Variants in ERG observed in about 807,000 individuals in gnomAD.
ERG encodes transcriptional regulator ERG.
A neutral mutation model predicts 55.3 loss-of-function variants in ERG; 9 were observed. The observed-to-expected ratio is 0.16, with a 90% CI of 0.10 to 0.28. The LOEUF is 0.28. Among genes scored for constraint, ERG ranks in the 10% least tolerant of loss-of-function variants. The pLI, the probability that ERG is intolerant of heterozygous loss-of-function variation, is 1.00. For missense variants in ERG, 434 were observed against 631.6 expected (o/e 0.69, Z 3.35); for synonymous variants, 223 against 237.3 (o/e 0.94, Z 0.55).
At chr21:38,467,241 C>T (rs1014107160) in intron 1 of ERG, among the ~76,000 whole-genome samples, 2 of 152,150 alleles carry the variant, frequency 1.3e-5, no homozygotes, top group African/African-American at 2.4e-5. Context: ...AAGTCTTGTG[C>T]TGCAAATGTT....
At chr21:38,643,249 C>G (rs141591078) in intron 1 of ERG, among the ~76,000 whole-genome samples, 1 of 152,304 alleles carries the variant, frequency 6.6e-6, no homozygotes, top group African/African-American at 2.4e-5. Context: ...CCAGAGCACG[C>G]AGGAAATCCA....
In ERG at chr21:38,558,878, G is replaced by A. The variant is rs148637372; in HGVS notation, c.-41+16784C>T. 2.9e-3 allele frequency among the ~76,000 whole-genome samples: 443 copies of A among 152,300 alleles called. 4 individuals carry two copies. The highest frequency in any genetic ancestry group is 0.01 in the African/African-American group (417 of 41,554). On this transcript the variant is annotated intron_variant, in intron 2 of 8. Transcript: ENST00000398897. ...AGATAAAAAATCAGCACAGAAAAAG[G>A]TGAGAAATACACAATGTCTTTCATC...
chr21:38,465,352 G>A (rs2059079023), intron 1 of ERG, among the ~76,000 whole-genome samples: 1 of 152,170 alleles, frequency 6.6e-6, no homozygotes, highest in African/African-American at 2.4e-5. Flanking sequence ...TCTGGAAAAG[G>A]CAAGACTACA....
intron 2 of ERG, among the ~76,000 whole-genome samples, chr21:38,534,421 T>C (rs2146779696): frequency 6.6e-6 from 1 of 152,326 alleles, no homozygotes; most frequent in Non-Finnish European, 1.5e-5. Flanking sequence ...ACATATAGTC[T>C]GCTTTGAAGA....
At chr21:38,438,584 C>T (rs1003107970) in intron 2 of ERG, among the ~76,000 whole-genome samples, 5 of 152,200 alleles carry the variant, frequency 3.3e-5, no homozygotes, top group Admixed American at 2.6e-4. Flanking sequence ...TGGAGTTATT[C>T]ATGGCATGCA....
At chr21:38,468,774 A>G (rs2059112222) in intron 1 of ERG, among the ~76,000 whole-genome samples, 2 of 152,050 alleles carry the variant, frequency 1.3e-5, no homozygotes, top group Admixed American at 6.5e-5. Context: ...TCACGAGGTC[A>G]GGAGATCGAG....
At chr21:38,379,644 TA>T (rs1288470237), downstream of ERG, among the ~76,000 whole-genome samples, 6 of 152,100 alleles carry the variant, frequency 3.9e-5, no homozygotes, top group Admixed American at 6.5e-5. Context: ...TGTGAGAAGA[TA>T]ATGATGTTTT....
At chr21:38,527,645 G>A (rs899878571) in intron 2 of ERG, among the ~76,000 whole-genome samples, 4 of 152,100 alleles carry the variant, frequency 2.6e-5, no homozygotes, top group Admixed American at 2.6e-4. Flanking sequence ...CTCTTACACG[G>A]AGGCCAAAGA....
At chr21:38,554,319 C>T (rs1166044530) in intron 2 of ERG, among the ~76,000 whole-genome samples, 2 of 152,186 alleles carry the variant, frequency 1.3e-5, no homozygotes, top group Non-Finnish European at 2.9e-5. Flanking sequence ...ACCCAATAAT[C>T]CCATCACTGG....
At chr21:38,452,661 T>C (rs941682134) in intron 1 of ERG, among the ~76,000 whole-genome samples, 3 of 152,326 alleles carry the variant, frequency 2.0e-5, no homozygotes, top group Admixed American at 2.0e-4. Flanking sequence ...TCACCTCTGC[T>C]CCTTCCTCTC....
chr21:38,605,022 T>C (rs977783479), intron 1 of ERG, among the ~76,000 whole-genome samples: 1 of 152,214 alleles, frequency 6.6e-6, no homozygotes, highest in Non-Finnish European at 1.5e-5. Flanking sequence ...AGATGAAATA[T>C]TTTTCTCCAT....
At chr21:38,421,103 G>C (rs1989521564) in intron 3 of ERG, among the ~76,000 whole-genome samples, 1 of 152,054 alleles carries the variant, frequency 6.6e-6, no homozygotes, top group African/African-American at 2.4e-5. Flanking sequence ...TGGGCACCTG[G>C]GACATTTGTG....
intron 1 of ERG, among the ~76,000 whole-genome samples, chr21:38,611,047 G>A (rs185163149): frequency 6.6e-4 from 100 of 152,298 alleles, no homozygotes; most frequent in African/African-American, 2.2e-3. Context: ...GAACACAGAG[G>A]TAATCCCTTC....
chr21:38,638,486 T>G (rs2060404021), intron 1 of ERG, among the ~76,000 whole-genome samples: 1 of 152,174 alleles, frequency 6.6e-6, no homozygotes. Context: ...AGATTGAACT[T>G]GTGGGCTTAC....
chr21:38,606,022 C>T lies in ERG; in HGVS notation c.-149-21077G>A, dbSNP rs146673567. ...GATGATTGATAAGTAGGTCATTAGA[C>T]AGATGATTGATAGATGATAAATGAT... On this transcript the variant is annotated intron_variant, in intron 1 of 10. Transcript: ENST00000398910. Among the ~76,000 whole-genome samples, 253 of 151,506 alleles carry T rather than the reference C, an allele frequency of 1.7e-3. 2 individuals carry two copies. Among genetic ancestry groups the T allele is most frequent in the Middle Eastern group, 3.4e-3 (1 of 290 alleles).
At chr21:38,523,725 C>T (rs1427852857) in intron 2 of ERG, among the ~76,000 whole-genome samples, 1 of 152,198 alleles carries the variant, frequency 6.6e-6, no homozygotes, top group African/African-American at 2.4e-5. Flanking sequence ...TGAAAACAAT[C>T]ACTAACAGAA....
intron 3 of ERG, among the ~76,000 whole-genome samples, chr21:38,408,565 G>A (rs570247213): frequency 1.3e-5 from 2 of 152,322 alleles, no homozygotes; most frequent in African/African-American, 2.4e-5. Flanking sequence ...CAATGATGCT[G>A]CAGCTGTAGA....
intron 2 of ERG, among the ~76,000 whole-genome samples, chr21:38,439,303 G>C (rs1374957816): frequency 6.6e-6 from 1 of 152,202 alleles, no homozygotes; most frequent in Admixed American, 6.5e-5. Context: ...GTTTGCTTGT[G>C]GACCATGAGT....
At chr21:38,617,103 A>G (rs935058435) in intron 1 of ERG, among the ~76,000 whole-genome samples, 4 of 152,236 alleles carry the variant, frequency 2.6e-5, no homozygotes, top group Non-Finnish European at 5.9e-5. Context: ...GACCTCCACG[A>G]AGGGATAACA....
Sources: gnomAD v4.1 joint callset for allele counts (sites outside exome capture counted in the v4.1 genomes callset) on GRCh38, gnomAD v4.1.1 for gene constraint, MANE v1.5 for transcripts, NCBI Gene and HGNC (gene_info 2026-07-23, HGNC 2026-07-21) for gene names.